The following CSE1L variants were observed in gnomAD, a reference collection of about 807,000 sequenced individuals.
CSE1L encodes the protein chromosome segregation 1 like.
CSE1L carries 24 observed loss-of-function variants against 120.4 expected under a neutral mutation model. The observed-to-expected ratio is 0.20, with a 90% CI of 0.14 to 0.28. The LOEUF (loss-of-function observed/expected upper bound fraction) is 0.28. Ranked by LOEUF, CSE1L falls within the 10% of genes least tolerant of loss-of-function variation. The pLI is 1.00. For synonymous variants in CSE1L, 402 were observed against 398.3 expected, an observed-to-expected ratio of 1.01 and a Z score of -0.11; for missense variants, 830 against 1,145.2, an observed-to-expected ratio of 0.72 and a Z score of 3.97.
chr20:49,076,353 A>G (rs924901461), intron 12 of CSE1L, among the ~76,000 whole-genome samples: 4 of 150,994 alleles, frequency 2.6e-5, no homozygotes, highest in African/African-American at 9.7e-5. Context: ...ACCCTGGCTA[A>G]TTTTGTATTT....
intron 14 of CSE1L, among the ~76,000 whole-genome samples, chr20:49,082,721 CTG>C (rs1281143835): frequency 3.3e-5 from 5 of 151,814 alleles, no homozygotes; most frequent in Non-Finnish European, 7.4e-5. Context: ...CGGGGTTTCA[CTG>C]TGTTAGCCAG....
chr20:49,093,564 C>CTTTTTTT (rs11477256), intron 22 of CSE1L, among the ~76,000 whole-genome samples: 6 of 117,584 alleles, frequency 5.1e-5, no homozygotes, highest in African/African-American at 6.4e-5. Flanking sequence ...GCTCCTCTCT[C>CTTTTTTT]TTTTTTTTTT....
At chr20:49,062,748 A>G (rs2091861839) in intron 2 of CSE1L, among the ~76,000 whole-genome samples, 1 of 151,924 alleles carries the variant, frequency 6.6e-6, no homozygotes, top group African/African-American at 2.4e-5. Flanking sequence ...TATATATGTA[A>G]ATCGTTGGAC....
At chr20:49,095,484 T>A (rs879307045) in intron 24 of CSE1L, among the ~76,000 whole-genome samples, 3 of 151,994 alleles carry the variant, frequency 2.0e-5, no homozygotes, top group Non-Finnish European at 2.9e-5. Flanking sequence ...CCAGCTAATT[T>A]TTTATTTTTT....
intron 13 of CSE1L, among the ~76,000 whole-genome samples, chr20:49,077,735 G>T (rs1233865140): frequency 1.3e-5 from 2 of 152,182 alleles, no homozygotes; most frequent in East Asian, 3.9e-4. Flanking sequence ...GCCGGGTGCG[G>T]TGGCTCACAC....
At chr20:49,088,497 T>C (rs1189251542) in intron 17 of CSE1L, among the ~76,000 whole-genome samples, 1 of 152,242 alleles carries the variant, frequency 6.6e-6, no homozygotes, top group Non-Finnish European at 1.5e-5. Flanking sequence ...TCCTTACTCT[T>C]ATTTCTCAAA....
At chr20:49,079,393 A>AT (rs1319949018) in intron 14 of CSE1L, among the ~76,000 whole-genome samples, 1 of 149,644 alleles carries the variant, frequency 6.7e-6, no homozygotes, top group East Asian at 2.0e-4. Context: ...CGCCTGGCTG[A>AT]TTTTTTGTAT....
chr20:49,047,229 C>T (rs2123626155), intron 1 of CSE1L, among the ~76,000 whole-genome samples: 1 of 152,212 alleles, frequency 6.6e-6, no homozygotes, highest in South Asian at 2.1e-4. Context: ...GCCTCCATTT[C>T]CTTAGCTGCA....
intron 1 of CSE1L, among the ~76,000 whole-genome samples, chr20:49,047,652 C>G (rs2091730159): frequency 7.2e-6 from 1 of 139,140 alleles, no homozygotes; most frequent in African/African-American, 2.7e-5. Flanking sequence ...TCTCGACTCA[C>G]TGCAACCTCC....
chr20:49,080,664 C>T (rs2092004624), intron 14 of CSE1L, among the ~76,000 whole-genome samples: 2 of 151,982 alleles, frequency 1.3e-5, no homozygotes, highest in Admixed American at 6.6e-5. Flanking sequence ...TTAGTAGAGA[C>T]GGGGTTTCTC....
intron 2 of CSE1L, 95 bp from the exon 3 acceptor site, chr20:49,063,107 C>T: frequency 1.6e-6 from 1 of 617,600 alleles, no homozygotes; most frequent in South Asian, 4.9e-5. Context: ...CTAATCTTTT[C>T]TCTTTTTTTG....
intron 8 of CSE1L, among the ~76,000 whole-genome samples, chr20:49,071,716 G>A (rs556729195): frequency 2.6e-5 from 4 of 152,060 alleles, no homozygotes; most frequent in Non-Finnish European, 5.9e-5. Flanking sequence ...GGCTTGGCCC[G>A]TCGCAGTGGC....
chr20:49,061,463 T>G (rs1031955464), intron 2 of CSE1L, among the ~76,000 whole-genome samples: 1 of 142,164 alleles, frequency 7.0e-6, no homozygotes, highest in Non-Finnish European at 1.5e-5. Context: ...TGAGCCACCG[T>G]GCCCGGTGGA....
chr20:49,050,029 C>CA (rs1289259967), intron 1 of CSE1L, among the ~76,000 whole-genome samples: 1 of 151,790 alleles, frequency 6.6e-6, no homozygotes. Context: ...GACCCTGTCT[C>CA]AAAAAAGAGT....
chr20:49,063,130 A>G (rs898695851), intron 2 of CSE1L, 72 bp from the exon 3 acceptor site: 68 of 736,994 alleles, frequency 9.2e-5, no homozygotes, highest in Non-Finnish European at 1.3e-4. Context: ...TTTTTTTTAT[A>G]TATATATATT....
intron 17 of CSE1L, 52 bp downstream of exon 17, chr20:49,088,158 G>T: frequency 1.6e-6 from 2 of 1,250,606 alleles, no homozygotes; most frequent in East Asian, 2.3e-5. Flanking sequence ...GCTCCAAACT[G>T]TTTGGGCCTC....
At chr20:49,060,055 T>G (rs865818718) in intron 2 of CSE1L, among the ~76,000 whole-genome samples, 2 of 151,902 alleles carry the variant, frequency 1.3e-5, no homozygotes, top group Middle Eastern at 3.4e-3. Context: ...TGTGGTGATG[T>G]GTGCCTGTAT....
chr20:49,091,795 A>G (rs1040392819), intron 21 of CSE1L, among the ~76,000 whole-genome samples: 3 of 152,220 alleles, frequency 2.0e-5, no homozygotes, highest in African/African-American at 7.2e-5. Context: ...TGTGTTCCAG[A>G]GGTTGGTTTA....
chr20:49,048,052 G>GGGACCCTTTAGTCC (rs2091734632), intron 1 of CSE1L, among the ~76,000 whole-genome samples: 1 of 151,970 alleles, frequency 6.6e-6, no homozygotes, highest in East Asian at 1.9e-4. Context: ...GGCACAGAAG[G>GGGACCCTTTAGTCC]GGACCCTTTA....
Sources: gnomAD v4.1 joint callset for allele counts (sites outside exome capture counted in the v4.1 genomes callset) on GRCh38, gnomAD v4.1.1 for gene constraint, MANE v1.5 for transcripts, NCBI Gene and HGNC (gene_info 2026-07-23, HGNC 2026-07-21) for gene names.